The following ARHGEF7 variants were observed in gnomAD, a reference collection of about 807,000 sequenced individuals.
ARHGEF7 encodes the protein PAK-interacting exchange factor beta.
A neutral mutation model predicts 109.8 loss-of-function variants in ARHGEF7; 33 were observed. The ratio of observed to expected loss-of-function variants is 0.30; its 90% CI spans 0.23 to 0.40. ARHGEF7 has a LOEUF of 0.40. ARHGEF7 is among the 10% of genes least tolerant of loss of function. The probability of loss-of-function intolerance (pLI) is 1.00; values close to 1 mark genes in which losing one functional copy is unlikely to be tolerated. For missense variants in ARHGEF7, 938 were observed against 1,098.5 expected (o/e 0.85, Z 2.07); for synonymous variants, 458 against 424.6 (o/e 1.08, Z -0.97).
chr13:111,180,339 G>T (rs1191883598), intron 2 of ARHGEF7, among the ~76,000 whole-genome samples: 3 of 152,182 alleles, frequency 2.0e-5, no homozygotes, highest in Non-Finnish European at 4.4e-5. Context: ...CTGAAGCCAT[G>T]AACTGAATTT....
In ARHGEF7 at chr13:111,292,220, C is replaced by A; in HGVS notation, c.2237C>A (p.Pro746His). Residue 746 changes from proline (P) to histidine (H), a missense_variant, in exon 19 of 22, where the codon CCT becomes CAT. Physicochemically the swap from Pro to His is moderately conservative, Grantham distance 77 (BLOSUM62 -2). Around this residue, in one of 4 missense-constraint regions of ARHGEF7, gnomAD observed 166 missense variants for 167.3 expected, o/e 0.99. Coordinates refer to ENST00000646102, the MANE Select transcript of ARHGEF7 (RefSeq NM_001354046.2). ...CGCAGTAGCCTTTCTCGTTTGGAGC[C>A]TTCAGACCTCTCGGAAGACTCTGAC... ...GRRSSLSRLEPSDLSEDSDYD... is the reference protein window; with the variant it reads ...GRRSSLSRLEHSDLSEDSDYD... 2 of 1,614,224 alleles carry A rather than the reference C, an allele frequency of 1.2e-6. No homozygotes were observed. Among genetic ancestry groups the A allele is most frequent in the Non-Finnish European group, 1.7e-6 (2 of 1,180,050 alleles).
intron 1 of ARHGEF7, among the ~76,000 whole-genome samples, chr13:111,146,852 A>C (rs2075619944): frequency 1.3e-5 from 2 of 152,204 alleles, no homozygotes; most frequent in Admixed American, 1.3e-4. Flanking sequence ...CTTTGTGATT[A>C]ATTTGCAGCA....
intron 16 of ARHGEF7, among the ~76,000 whole-genome samples, chr13:111,285,191 C>G (rs1238901723): frequency 6.6e-6 from 1 of 152,110 alleles, no homozygotes; most frequent in Non-Finnish European, 1.5e-5. Context: ...CTTTTGGAGT[C>G]CCCAGGGTCT....
chr13:111,231,253 A>T (rs2086009524), intron 5 of ARHGEF7, among the ~76,000 whole-genome samples: 1 of 152,350 alleles, frequency 6.6e-6, no homozygotes, highest in Non-Finnish European at 1.5e-5. Flanking sequence ...TTTCTTCTAC[A>T]ATTAAATTCT....
rs61553258 is a variant in ARHGEF7 at position 111,282,920 on chromosome 13, C to T, written c.1726-219C>T. ...AGCTGCCCCTCCTGTCTGGGGCAGACGCCGTGAGGAGCCCCACGCTCGGCC... is the reference window on the plus strand; with the variant it reads ...AGCTGCCCCTCCTGTCTGGGGCAGATGCCGTGAGGAGCCCCACGCTCGGCC... On this transcript the variant is annotated intron_variant, in intron 15 of 21. Coordinates refer to ENST00000646102, the MANE Select transcript of ARHGEF7 (RefSeq NM_001354046.2). The T allele has an allele frequency of 6.7e-3, 4,488 of 668,158 alleles. 164 individuals are homozygous for T. In the African/African-American group the frequency reaches 0.074, roughly 11 times the overall value. The allele number at this position is 668,158 out of a possible 1,614,324, so 41.4% of individuals were successfully genotyped here.
At chr13:111,286,074 G>T in intron 16 of ARHGEF7, 73 bp from the exon 17 acceptor site, 1 of 1,227,412 alleles carries the variant, frequency 8.1e-7, no homozygotes, top group Non-Finnish European at 1.2e-6. Flanking sequence ...TACCTTTACA[G>T]CAGCCTTTCT....
At chr13:111,293,164 A>T in intron 19 of ARHGEF7, 1 of 985,460 alleles carries the variant, frequency 1.0e-6, no homozygotes, top group Non-Finnish European at 1.2e-6. Context: ...TGAAGCATTC[A>T]GCCTCTGCAA....
chr13:111,218,563 A>G (rs2083423181), intron 5 of ARHGEF7, among the ~76,000 whole-genome samples: 1 of 152,318 alleles, frequency 6.6e-6, no homozygotes, highest in Non-Finnish European at 1.5e-5. Flanking sequence ...ACACCGTTGT[A>G]TACTACAGTT....
chr13:111,190,504 G>C (rs559175070), intron 2 of ARHGEF7, among the ~76,000 whole-genome samples: 2 of 152,326 alleles, frequency 1.3e-5, no homozygotes, highest in Admixed American at 6.5e-5. Context: ...ATTTGGGATT[G>C]TAGAGTAAGG....
At chr13:111,193,136 G>A (rs2080097649) in intron 2 of ARHGEF7, among the ~76,000 whole-genome samples, 2 of 152,154 alleles carry the variant, frequency 1.3e-5, no homozygotes, top group African/African-American at 4.8e-5. Context: ...TTTGTTGGAG[G>A]GTTTTAAGTA....
intron 1 of ARHGEF7, among the ~76,000 whole-genome samples, chr13:111,118,604 T>C (rs1021566964): frequency 6.6e-6 from 1 of 152,198 alleles, no homozygotes; most frequent in African/African-American, 2.4e-5. Context: ...GCAGAGGTCA[T>C]GACGTCTAGG....
At chr13:111,237,986 C>T (rs555891007) in intron 6 of ARHGEF7, among the ~76,000 whole-genome samples, 18 of 152,264 alleles carry the variant, frequency 1.2e-4, no homozygotes, top group African/African-American at 4.1e-4. Flanking sequence ...AGGAAGCCAG[C>T]GTGGAACATG....
intron 21 of ARHGEF7, among the ~76,000 whole-genome samples, chr13:111,302,314 C>T (rs774493490): frequency 1.3e-5 from 2 of 152,202 alleles, no homozygotes; most frequent in African/African-American, 4.8e-5. Context: ...GGCTTTGGTC[C>T]TCTGCCCAGC....
intron 2 of ARHGEF7, among the ~76,000 whole-genome samples, chr13:111,186,241 C>T (rs780663839): frequency 2.6e-5 from 4 of 152,172 alleles, no homozygotes; most frequent in Non-Finnish European, 2.9e-5. Context: ...TGCCTCCCTG[C>T]TCTGCTCCTC....
At chr13:111,194,866 G>T (rs2080310812) in intron 2 of ARHGEF7, among the ~76,000 whole-genome samples, 1 of 151,884 alleles carries the variant, frequency 6.6e-6, no homozygotes, top group Non-Finnish European at 1.5e-5. Context: ...AATACAGAAG[G>T]CGGCATCCTT....
At chr13:111,292,462 C>T (rs2093319303) in intron 19 of ARHGEF7, 168 bp downstream of exon 19, 4 of 1,444,982 alleles carry the variant, frequency 2.8e-6, no homozygotes, top group Non-Finnish European at 3.6e-6. Flanking sequence ...TGATATTTCC[C>T]ATTGTACTTT....
At chr13:111,290,961 A>G (rs1401680973) in intron 18 of ARHGEF7, among the ~76,000 whole-genome samples, 7 of 152,232 alleles carry the variant, frequency 4.6e-5, no homozygotes, top group Admixed American at 3.9e-4. Context: ...TAGAAGGATA[A>G]TATATTTTAC....
At chr13:111,130,097 A>G (rs1043357310) in intron 1 of ARHGEF7, among the ~76,000 whole-genome samples, 3 of 152,240 alleles carry the variant, frequency 2.0e-5, no homozygotes, top group Non-Finnish European at 4.4e-5. Context: ...GCTGAATAAA[A>G]GAAGCCAGAC....
At chr13:111,158,642 G>T (rs774614893) in intron 2 of ARHGEF7, among the ~76,000 whole-genome samples, 14 of 152,136 alleles carry the variant, frequency 9.2e-5, no homozygotes, top group Non-Finnish European at 1.9e-4. Flanking sequence ...TTGGCTTTTG[G>T]TCTCTCAGAT....
Sources: allele counts gnomAD v4.1 joint callset (sites outside exome capture counted in the v4.1 genomes callset), GRCh38; gene constraint gnomAD v4.1.1; regional missense constraint gnomAD v4.1.1; transcripts MANE v1.5; gene names NCBI Gene and HGNC (gene_info 2026-07-23, HGNC 2026-07-21).